Variants in NSD3 observed in about 807,000 individuals in gnomAD.
NSD3 encodes the protein nuclear receptor binding SET domain protein 3, also known as histone-lysine N-methyltransferase NSD3.
In NSD3, 24 loss-of-function variants were observed where a neutral mutation model predicts 160.8. That is an observed-to-expected ratio of 0.15 (90% CI 0.11 to 0.21). NSD3 has a LOEUF of 0.21. Among genes scored for constraint, NSD3 ranks in the 10% least tolerant of loss-of-function variants. The probability of loss-of-function intolerance (pLI) is 1.00; values close to 1 mark genes in which losing one functional copy is unlikely to be tolerated. For missense variants in NSD3, 1,157 were observed against 1,735.9 expected (o/e 0.67, Z 5.93); for synonymous variants, 520 against 600.0 (o/e 0.87, Z 1.95).
At chr8:38,344,430 C>A (rs1810463059) in intron 2 of NSD3, among the ~76,000 whole-genome samples, 1 of 152,094 alleles carries the variant, frequency 6.6e-6, no homozygotes, top group African/African-American at 2.4e-5. Context: ...CACCACCACG[C>A]CCGGCTAATT....
chr8:38,278,822 T>C (rs1416975025), intron 21 of NSD3, among the ~76,000 whole-genome samples: 1 of 152,242 alleles, frequency 6.6e-6, no homozygotes, highest in East Asian at 1.9e-4. Context: ...CCTTATATTA[T>C]GATCAAATAA....
chr8:38,311,783 AT>A (rs1809541317), intron 12 of NSD3, among the ~76,000 whole-genome samples: 3 of 152,150 alleles, frequency 2.0e-5, no homozygotes, highest in Non-Finnish European at 2.9e-5. Context: ...AAAGTTTTTA[AT>A]TTTGATGAAG....
rs781679428 is a variant in NSD3 at position 38,337,378 on chromosome 8, T to C, written c.837A>G (p.Gly279=). The C allele has an allele frequency of 1.2e-6, 2 of 1,612,852 alleles. No individual in the cohort carries two copies. The highest frequency in any genetic ancestry group is 2.2e-5 in the South Asian group (2 of 90,800). ...QVGDLVWSKV[G]TYPWWPCMVS... ...CCATACAAGGCCACCAAGGATAGGT[T>C]CCCACCTTGGACCACACAAGATCGC... The change falls in exon 4 of 24, where the codon GGA becomes GGG. Residue 279 remains glycine, a synonymous_variant. Coordinates refer to ENST00000317025, the MANE Select transcript of NSD3 (RefSeq NM_023034.2).
rs1809981299 is a variant in NSD3, at chr8:38,328,985, T to G, written c.1581+393A>C. On this transcript the variant is annotated intron_variant, in intron 6 of 23. Coordinates refer to ENST00000317025, the MANE Select transcript of NSD3 (RefSeq NM_023034.2). ...AGGTCAGCAGGTACAATTATTACAG[T>G]GGTTTTTATAACAATGGTTAATTCA... Among the ~76,000 whole-genome samples, 6 of 152,338 alleles carry G rather than the reference T, an allele frequency of 3.9e-5. No individual in the cohort carries two copies. The South Asian group carries it at 1.2e-3, about 32-fold the overall frequency.
In NSD3 at chr8:38,305,333, G is replaced by A. The variant is rs1809370649; in HGVS notation, c.2355C>T (p.Ala785=). The A allele has an allele frequency of 6.2e-7, 1 of 1,614,028 alleles. No homozygotes were observed. Among genetic ancestry groups the A allele is most frequent in the Admixed American group, 1.7e-5 (1 of 60,008 alleles). ...AGCGGAATCCTTTTGATTCAAAGAT[G>A]GCAGTGGGGAATTTGCGGACACAGG... ...HEACVRKFPT[A]IFESKGFRCP... Residue 785 remains alanine, a synonymous_variant, in exon 13 of 24, where the codon GCC becomes GCT. Transcript: ENST00000317025.
In NSD3 at chr8:38,290,651, G is replaced by T; in HGVS notation, c.2942C>A (p.Pro981His). The T allele has an allele frequency of 6.2e-7, 1 of 1,613,836 alleles. No individual in the cohort carries two copies. The highest frequency in any genetic ancestry group is 8.5e-7 in the Non-Finnish European group (1 of 1,179,864). Residue 981 changes from proline to histidine, a missense_variant, in exon 17 of 24, where the codon CCC (proline) becomes CAC (histidine). By Grantham distance (77) the Pro-to-His change is moderately conservative (BLOSUM62 -2). Coordinates refer to ENST00000317025, the MANE Select transcript of NSD3 (RefSeq NM_023034.2). ...CTGGATGTTCAGTGGCACAGACCTG[G>T]GGTTGCAGATCTCTGCTGGCCACCA... is the stretch of plus-strand genomic sequence containing the variant. ...YRWWPAEICN[P>H]RSVPLNIQGL...
Position 38,329,603 on chromosome 8 carries a change from C to A in NSD3, c.1356G>T (p.Gln452His). The A allele has an allele frequency of 1.2e-6, 2 of 1,614,232 alleles. No homozygotes were observed. Among genetic ancestry groups the A allele is most frequent in the Non-Finnish European group, 1.7e-6 (2 of 1,180,042 alleles). ...LSSTEIRRHS[Q>H]RRHTSAEEEE... ...CCTCTTCCGCACTTGTGTGCCGCCT[C>A]TGGCTATGTCTCCGAATTTCAGTAC... The change falls in exon 6 of 24, where the codon CAG (glutamine) becomes CAT (histidine). Residue 452 changes from glutamine to histidine, a missense_variant. Transcript: ENST00000317025. This position sits in a 1 kb window ranked among gnomAD's most constrained non-coding sequence, Gnocchi z 4.8.
intron 12 of NSD3, 37 bp downstream of exon 12, chr8:38,314,607 CCAT>C: frequency 6.2e-7 from 1 of 1,612,592 alleles, no homozygotes; most frequent in South Asian, 1.1e-5. Flanking sequence ...TGGCACAATC[CCAT>C]TCATCTTTTC....
intron 1 of NSD3, among the ~76,000 whole-genome samples, chr8:38,369,825 C>T (rs1034455618): frequency 1.3e-5 from 2 of 152,070 alleles, no homozygotes; most frequent in African/African-American, 4.8e-5. Flanking sequence ...GACAGAGTCT[C>T]GCTCTGTTGC....
In NSD3 at chr8:38,318,710, G is replaced by A. The variant is rs1207281774; in HGVS notation, c.1855+185C>T. Among the ~76,000 whole-genome samples the A allele has an allele frequency of 6.6e-6, 1 of 152,128 alleles. No individual in the cohort carries two copies. Among genetic ancestry groups the A allele is most frequent in the African/African-American group, 2.4e-5 (1 of 41,428 alleles). ...CCAAAACAAGTAAGACTTTTCACGT[G>A]GAGGTACAGAATAAGATCAACTCTA... On this transcript the variant is annotated intron_variant, in intron 9 of 23. Coordinates refer to ENST00000317025, the MANE Select transcript of NSD3 (RefSeq NM_023034.2). This position sits in a 1 kb window ranked among gnomAD's most constrained non-coding sequence, Gnocchi z 5.3.
chr8:38,357,118 C>CAAAAAAAAAAAAAAAAAAAAAAAAAAA (rs966483645), intron 1 of NSD3, among the ~76,000 whole-genome samples: 1 of 21,314 alleles, frequency 4.7e-5, no homozygotes, highest in Non-Finnish European at 8.3e-5. Flanking sequence ...GACACCATCT[C>CAAAAAAAAAAAAAAAAAAAAAAAAAAA]AAAAAAAAAA....
At chr8:38,287,204 A>G (rs1352961250) in intron 19 of NSD3, among the ~76,000 whole-genome samples, 1 of 152,260 alleles carries the variant, frequency 6.6e-6, no homozygotes, top group African/African-American at 2.4e-5. Context: ...GAATTTAAAA[A>G]TATTTATGTA....
chr8:38,373,284 G>A (rs919373294), intron 1 of NSD3, among the ~76,000 whole-genome samples: 1 of 151,538 alleles, frequency 6.6e-6, no homozygotes, highest in East Asian at 2.0e-4. Context: ...GTGCAGTGGC[G>A]CAATCTTGGC....
In NSD3 at chr8:38,338,846, A is replaced by G. The variant is rs1810288575; in HGVS notation, c.676-239T>C. ...CCTTTTTCTTATTTTGTTACTTTTAAAACTTAATTTCTAGGCCGGGTGCAG... is the reference window on the plus strand; with the variant it reads ...CCTTTTTCTTATTTTGTTACTTTTAGAACTTAATTTCTAGGCCGGGTGCAG... On this transcript the variant is annotated intron_variant, in intron 2 of 23. Transcript: ENST00000317025. 2.0e-5 allele frequency among the ~76,000 whole-genome samples: 3 copies of G among 152,192 alleles called. No homozygotes were observed. In the East Asian group the frequency reaches 5.8e-4, roughly 29 times the overall value.
At chr8:38,377,370 ACG>A (rs1811419878) in intron 1 of NSD3, among the ~76,000 whole-genome samples, 1 of 151,370 alleles carries the variant, frequency 6.6e-6, no homozygotes, top group Non-Finnish European at 1.5e-5. Context: ...TGTTTTTGAG[ACG>A]GAATCTCGCT....
rs773583992 is a variant in NSD3, at chr8:38,337,411, A to G, written c.804T>C (p.Phe268=). 1 of 1,612,884 alleles carries G rather than the reference A, an allele frequency of 6.2e-7. No individual in the cohort carries two copies. ...TGGACCACACAAGATCGCCAACCTG[A>G]AACTTAACACCAGTGGACACTTCCG... The part of the protein sequence containing the change: ...PTTEVSTGVK[F]QVGDLVWSKV... Residue 268 remains phenylalanine (F), a synonymous_variant, in exon 4 of 24, where the codon TTT becomes TTC. Coordinates refer to ENST00000317025, the MANE Select transcript of NSD3 (RefSeq NM_023034.2).
At chr8:38,333,799 G>A (rs1205832449) in intron 4 of NSD3, among the ~76,000 whole-genome samples, 5 of 152,220 alleles carry the variant, frequency 3.3e-5, no homozygotes, top group South Asian at 4.1e-4. Context: ...CCCGGGAAGC[G>A]GAGCTTGCAG....
At chr8:38,366,108 C>CT (rs1238439937) in intron 1 of NSD3, among the ~76,000 whole-genome samples, 1 of 107,766 alleles carries the variant, frequency 9.3e-6, no homozygotes, top group African/African-American at 3.7e-5. Flanking sequence ...GAGACTCTGT[C>CT]TCAAAAAAAA....
chr8:38,368,310 T>C (rs150838075), intron 1 of NSD3, among the ~76,000 whole-genome samples: 54 of 152,374 alleles, frequency 3.5e-4, no homozygotes, highest in African/African-American at 1.3e-3. Flanking sequence ...TGTTTAACTT[T>C]AGCGTTGTCA....
Sources: allele counts gnomAD v4.1 joint callset (sites outside exome capture counted in the v4.1 genomes callset), GRCh38; gene constraint gnomAD v4.1.1; non-coding constraint Gnocchi (gnomAD v3.1); transcripts MANE v1.5; gene names NCBI Gene and HGNC (gene_info 2026-07-23, HGNC 2026-07-21).